The following GLIS1 variants were observed in gnomAD, a reference collection of about 807,000 sequenced individuals.
The protein encoded by GLIS1 is GLIS family zinc finger 1.
In GLIS1, 24 loss-of-function variants were observed where a neutral mutation model predicts 63.8. The observed-to-expected ratio is 0.38, with a 90% CI of 0.27 to 0.53. The LOEUF (loss-of-function observed/expected upper bound fraction) is 0.53, where lower values mean the gene tolerates loss of function less well. GLIS1 is among the 20% of genes least tolerant of loss of function. The pLI, the probability that GLIS1 is intolerant of heterozygous loss-of-function variation, is 0.85. For synonymous variants in GLIS1, 450 were observed against 482.5 expected (o/e 0.93, Z 0.88); for missense variants, 1,036 against 1,074.1 (o/e 0.96, Z 0.50).
In GLIS1 at chr1:53,526,556, ACC is replaced by A. The variant is rs1259050388; in HGVS notation, c.1483-1671_1483-1670del. Among the ~76,000 whole-genome samples the A allele has an allele frequency of 6.8e-6, 1 of 146,674 alleles. No homozygotes were observed. Among genetic ancestry groups the A allele is most frequent in the African/African-American group, 2.6e-5 (1 of 38,122 alleles). On this transcript the variant is annotated intron_variant, in intron 5 of 10. Transcript: ENST00000628545. The surrounding 1 kb of genome is among the most constrained non-coding windows in gnomAD (Gnocchi z 4.4). ...ACACACACACACACACACACACAAA[ACC>A]ACCACCACCACACACACACACCACA...
intron 2 of GLIS1, among the ~76,000 whole-genome samples, chr1:53,609,347 C>T (rs961703724): frequency 8.1e-6 from 1 of 122,762 alleles, no homozygotes. Context: ...GATCTTGGCT[C>T]ACTGCAACCT....
intron 2 of GLIS1, among the ~76,000 whole-genome samples, chr1:53,736,158 A>G (rs1304603017): frequency 6.6e-6 from 1 of 152,242 alleles, no homozygotes; most frequent in African/African-American, 2.4e-5. Flanking sequence ...AGCTTAAGGT[A>G]CAAAGAAAGA....
intron 2 of GLIS1, among the ~76,000 whole-genome samples, chr1:53,663,495 C>CAG (rs1646051957): frequency 6.6e-6 from 1 of 152,230 alleles, no homozygotes. Flanking sequence ...TGGACAGATA[C>CAG]AGAGGCCCCT....
chr1:53,525,109 A>C (rs1401700664), intron 5 of GLIS1, among the ~76,000 whole-genome samples: 1 of 152,154 alleles, frequency 6.6e-6, no homozygotes, highest in Non-Finnish European at 1.5e-5. Flanking sequence ...ACCTCAGGTC[A>C]GTTGCCTCTC....
chr1:53,704,582 G>T (rs1358809759), intron 2 of GLIS1, among the ~76,000 whole-genome samples: 2 of 152,182 alleles, frequency 1.3e-5, no homozygotes, highest in Non-Finnish European at 2.9e-5. Context: ...GAGAAGGGGT[G>T]GGGAGGGGAG....
chr1:53,577,615 C>T (rs1645045833), intron 4 of GLIS1, among the ~76,000 whole-genome samples: 1 of 152,206 alleles, frequency 6.6e-6, no homozygotes, highest in Admixed American at 6.5e-5. Context: ...AGTGGGTTGC[C>T]CTGCTACAGC....
intron 2 of GLIS1, among the ~76,000 whole-genome samples, chr1:53,645,421 T>C (rs1055960741): frequency 4.6e-5 from 7 of 152,228 alleles, no homozygotes; most frequent in East Asian, 1.9e-4. Flanking sequence ...TGTTGGTCTA[T>C]TGTAGTCACT....
At chr1:53,558,577 G>T (rs941679381) in intron 4 of GLIS1, among the ~76,000 whole-genome samples, 2 of 152,186 alleles carry the variant, frequency 1.3e-5, no homozygotes, top group South Asian at 4.1e-4. Flanking sequence ...GCCAGCTCAT[G>T]TGTCCACTGC....
chr1:53,542,237 C>T (rs1644650787), intron 4 of GLIS1, among the ~76,000 whole-genome samples: 1 of 152,240 alleles, frequency 6.6e-6, no homozygotes, highest in Non-Finnish European at 1.5e-5. Context: ...CACTGCACCT[C>T]CACTCAAGCG....
intron 4 of GLIS1, among the ~76,000 whole-genome samples, chr1:53,577,117 A>G (rs1645039419): frequency 7.4e-6 from 1 of 134,656 alleles, no homozygotes; most frequent in East Asian, 2.2e-4. Context: ...CTCACAGGCT[A>G]GCTCCTCCAG....
At chr1:53,637,222 G>T (rs1001612303) in intron 2 of GLIS1, among the ~76,000 whole-genome samples, 3 of 108,444 alleles carry the variant, frequency 2.8e-5, no homozygotes, top group Non-Finnish European at 4.9e-5. Context: ...CCCCACAGGG[G>T]TCTGTGGGGC....
At chr1:53,724,010 A>G (rs185730709) in intron 2 of GLIS1, among the ~76,000 whole-genome samples, 23 of 152,314 alleles carry the variant, frequency 1.5e-4, no homozygotes, top group Non-Finnish European at 2.9e-4. Context: ...CTCAAATGCT[A>G]CCTCTCATGG....
At chr1:53,693,033 G>A (rs116246676) in intron 2 of GLIS1, among the ~76,000 whole-genome samples, 4 of 152,240 alleles carry the variant, frequency 2.6e-5, no homozygotes, top group East Asian at 1.9e-4. Context: ...TCCCTCACAG[G>A]TGCACAGCAC....
At chr1:53,716,906 G>A (rs767745531) in intron 2 of GLIS1, among the ~76,000 whole-genome samples, 41 of 152,152 alleles carry the variant, frequency 2.7e-4, no homozygotes, top group Non-Finnish European at 5.3e-4. Flanking sequence ...CTAGCCCAAC[G>A]AATGGGAAAA....
chr1:53,708,010 CG>C (rs559687738), intron 2 of GLIS1, among the ~76,000 whole-genome samples: 1 of 150,512 alleles, frequency 6.6e-6, no homozygotes, highest in Non-Finnish European at 1.5e-5. Flanking sequence ...GCACCAGGCG[CG>C]GTGGCTCACG....
intron 2 of GLIS1, among the ~76,000 whole-genome samples, chr1:53,698,017 G>C (rs1008406963): frequency 6.6e-6 from 1 of 152,124 alleles, no homozygotes; most frequent in Non-Finnish European, 1.5e-5. Context: ...CTCCACATCC[G>C]TTTCCTGACA....
At chr1:53,570,352 C>T (rs141400449) in intron 4 of GLIS1, among the ~76,000 whole-genome samples, 2,570 of 152,108 alleles carry the variant, frequency 0.017, 25 homozygotes, top group Admixed American at 0.029. Context: ...AAACTCCTGG[C>T]CTCAAACAAT....
chr1:53,690,904 T>C (rs189805822), intron 2 of GLIS1, among the ~76,000 whole-genome samples: 8 of 152,180 alleles, frequency 5.3e-5, no homozygotes, highest in Admixed American at 5.2e-4. Context: ...CCCCTTGAGG[T>C]AGATACAATT....
At chr1:53,728,660 T>C (rs907073119) in intron 2 of GLIS1, among the ~76,000 whole-genome samples, 1 of 152,244 alleles carries the variant, frequency 6.6e-6, no homozygotes, top group Non-Finnish European at 1.5e-5. Context: ...CTTTGAATAT[T>C]ATCTATTTTT....
Sources: allele counts gnomAD v4.1 joint callset (sites outside exome capture counted in the v4.1 genomes callset), GRCh38; gene constraint gnomAD v4.1.1; non-coding constraint Gnocchi (gnomAD v3.1); transcripts MANE v1.5; gene names NCBI Gene and HGNC (gene_info 2026-07-23, HGNC 2026-07-21).